EEA1: variants seen among roughly 807,000 people sequenced by gnomAD.
The protein encoded by EEA1 is early endosome antigen 1, also known as early endosome antigen 1, 162kD.
EEA1 carries 111 observed loss-of-function variants against 209.2 expected under a neutral mutation model. The observed-to-expected ratio is 0.53, with a 90% CI of 0.45 to 0.62. The LOEUF (loss-of-function observed/expected upper bound fraction) is 0.62, where lower values mean the gene tolerates loss of function less well. EEA1 is among the 20% of genes least tolerant of loss of function. The pLI, the probability that EEA1 is intolerant of heterozygous loss-of-function variation, is 0.00. For missense variants in EEA1, 1,343 were observed against 1,530.8 expected, an observed-to-expected ratio of 0.88 and a Z score of 2.05; for synonymous variants, 536 against 540.6, an observed-to-expected ratio of 0.99 and a Z score of 0.12.
intron 22 of EEA1, among the ~76,000 whole-genome samples, chr12:92,783,747 G>T (rs34726939): frequency 0.027 from 4,109 of 152,198 alleles, 88 homozygotes; most frequent in Middle Eastern, 0.088. Context: ...ACTCTCAGCT[G>T]CTACTGCGAA....
chr12:92,802,139 A>G (rs1256078635), intron 19 of EEA1, among the ~76,000 whole-genome samples: 2 of 152,086 alleles, frequency 1.3e-5, no homozygotes, highest in African/African-American at 2.4e-5. Context: ...ACAGAAAAGA[A>G]CATAACAACA....
intron 24 of EEA1, 24 bp from the exon 25 acceptor site, chr12:92,779,324 A>T: frequency 6.4e-7 from 1 of 1,564,546 alleles, no homozygotes; most frequent in Non-Finnish European, 8.6e-7. Context: ...AGGGCCAAAA[A>T]TAAATCATCC....
Position 92,856,653 on chromosome 12 carries a change from G to A in EEA1, c.366+622C>T, listed in dbSNP as rs150525710. Among the ~76,000 whole-genome samples, 26 of 150,670 alleles carry A rather than the reference G, an allele frequency of 1.7e-4. No individual in the cohort carries two copies. In the East Asian group the frequency reaches 4.9e-3, roughly 28 times the overall value. On this transcript the variant is annotated intron_variant, in intron 5 of 28. Transcript: ENST00000322349. Reference sequence around the variant, plus strand: ...TTATCAATTTGTCAGAAACTTAAATGCTTTGAAGACTCACTACTGTTTGAA... The same window carrying A: ...TTATCAATTTGTCAGAAACTTAAATACTTTGAAGACTCACTACTGTTTGAA...
intron 9 of EEA1, among the ~76,000 whole-genome samples, chr12:92,847,704 G>A (rs1054925954): frequency 3.9e-5 from 6 of 152,110 alleles, no homozygotes; most frequent in African/African-American, 1.4e-4. Flanking sequence ...ATAATAAAAA[G>A]GGAATGACAC....
rs776804393 is a variant in EEA1 at position 92,782,121 on chromosome 12, C to T, written c.3165G>A (p.Lys1055=). The part of the protein sequence containing the change: ...TRQDLKSVEE[K]LSLAQEDLIS... ...TCAAGTCCTCCTGTGCTAGAGAAAG[C>T]TTCTCTTCTACAGACTTACAAAAAC... Residue 1055 remains lysine, a synonymous_variant, in exon 23 of 29, where the codon AAG becomes AAA. Transcript: ENST00000322349. 1.2e-6 allele frequency: 2 copies of T among 1,609,276 alleles called. No homozygotes were observed. The highest frequency in any genetic ancestry group is 1.7e-5 in the Admixed American group (1 of 59,382).
intron 22 of EEA1, 28 bp from the exon 23 acceptor site, chr12:92,782,163 T>A (rs1247920985): frequency 6.4e-7 from 1 of 1,560,592 alleles, no homozygotes; most frequent in Non-Finnish European, 8.7e-7. Context: ...CCCAAATTAT[T>A]ATATGCCATG....
rs909126259 is a variant in EEA1, at chr12:92,852,374, C to T, written c.521-78G>A. ...AGTTTCCATATATTACTCTGCATAT[C>T]TGTATATCACTCTAATTCAAATTCA... On this transcript the variant is annotated intron_variant, in intron 7 of 28. Coordinates refer to ENST00000322349, the MANE Select transcript of EEA1 (RefSeq NM_003566.4). The T allele has an allele frequency of 1.3e-5, 12 of 896,292 alleles. No homozygotes were observed. The African/African-American group carries it at 1.9e-4, about 14-fold the overall frequency. 55.5% of individuals were successfully genotyped at this position (896,292 alleles called of 1,614,324 possible). A position where few individuals can be genotyped will look rare whatever the true frequency, so the allele number is the denominator to read the frequency against.
chr12:92,873,682 G>A (rs552792148), intron 2 of EEA1, among the ~76,000 whole-genome samples: 2 of 152,258 alleles, frequency 1.3e-5, no homozygotes, highest in Admixed American at 6.5e-5. Context: ...GCTTGGGCTT[G>A]AATCCTGGAT....
chr12:92,897,633 C>T (rs895201888), intron 1 of EEA1, among the ~76,000 whole-genome samples: 21 of 152,070 alleles, frequency 1.4e-4, no homozygotes, highest in African/African-American at 4.6e-4. Context: ...CTTTGCTGGG[C>T]GTTTTGTCCA....
At chr12:92,809,523 T>TAA (rs57998627) in intron 17 of EEA1, among the ~76,000 whole-genome samples, 25,602 of 106,606 alleles carry the variant, frequency 0.24, 3,137 homozygotes, top group Non-Finnish European at 0.3. Flanking sequence ...TTATCTCTAC[T>TAA]AAAAAAAAAA....
intron 1 of EEA1, among the ~76,000 whole-genome samples, chr12:92,898,364 A>G (rs1173254201): frequency 1.3e-5 from 2 of 152,186 alleles, no homozygotes; most frequent in Admixed American, 6.5e-5. Flanking sequence ...CTAAAGAATG[A>G]CAAAGAAGGA....
intron 1 of EEA1, among the ~76,000 whole-genome samples, chr12:92,901,178 C>T (rs985378733): frequency 6.6e-6 from 1 of 152,092 alleles, no homozygotes; most frequent in Non-Finnish European, 1.5e-5. Context: ...CAAGGTTTTC[C>T]TTGACTGAGC....
intron 16 of EEA1, among the ~76,000 whole-genome samples, chr12:92,812,362 T>C (rs1302577922): frequency 6.6e-6 from 1 of 151,802 alleles, no homozygotes; most frequent in Non-Finnish European, 1.5e-5. Context: ...CTAATATTAC[T>C]CCCTGAATAA....
At chr12:92,849,614 T>TTAGA (rs1474523046) in intron 9 of EEA1, among the ~76,000 whole-genome samples, 1 of 152,190 alleles carries the variant, frequency 6.6e-6, no homozygotes, top group Admixed American at 6.5e-5. Context: ...ATATCATAAG[T>TTAGA]TAGAGAGTGT....
chr12:92,858,987 A>T (rs974162600), intron 3 of EEA1: 7 of 685,640 alleles, frequency 1.0e-5, no homozygotes, highest in Non-Finnish European at 1.9e-5. Context: ...CTGCTCATTC[A>T]GTGGCAAAAT....
Position 92,832,603 on chromosome 12 carries a change from T to C in EEA1, c.1163A>G (p.Tyr388Cys). The change falls in exon 11 of 29, where the codon TAC (tyrosine) becomes TGC (cysteine). Residue 388 changes from tyrosine to cysteine, a missense_variant. By Grantham distance (194) the Tyr-to-Cys change is radical (BLOSUM62 -2). Around this residue, in one of 3 missense-constraint regions of EEA1, gnomAD observed 1,307 missense variants for 1,465.5 expected, o/e 0.89. Coordinates refer to ENST00000322349, the MANE Select transcript of EEA1 (RefSeq NM_003566.4). ...KEELSEVETK[Y>C]QHLKAEFKQL... ...CTTAAACTCCGCCTTTAGATGCTGG[T>C]ACTTGGTCTCTACCTCAGATAATTC... is the stretch of plus-strand genomic sequence containing the variant. The C allele has an allele frequency of 6.2e-7, 1 of 1,614,114 alleles. No homozygotes were observed. Among genetic ancestry groups the C allele is most frequent in the Non-Finnish European group, 8.5e-7 (1 of 1,179,992 alleles).
intron 1 of EEA1, among the ~76,000 whole-genome samples, chr12:92,898,546 C>A (rs1011728540): frequency 6.6e-6 from 1 of 151,950 alleles, no homozygotes; most frequent in South Asian, 2.1e-4. Flanking sequence ...CACCTGTAAT[C>A]CCAGCTATTC....
At chr12:92,882,491 CTTTGGGG>C (rs1236889301) in intron 2 of EEA1, among the ~76,000 whole-genome samples, 1 of 149,996 alleles carries the variant, frequency 6.7e-6, no homozygotes, top group Non-Finnish European at 1.5e-5. Context: ...TGATGCTGAG[CTTTGGGG>C]TACAAATGAT....
Position 92,929,148 on chromosome 12 carries a change from G to T in EEA1, c.-82C>A. On this transcript the variant is annotated 5_prime_UTR_variant, in exon 1 of 29. Transcript: ENST00000322349. The stretch of plus-strand genomic sequence containing the variant: ...CTCACTACTCGGGGTGCGCGGGCGG[G>T]AGGGACTGGGCCGGGAGGGGACCGG... 2 of 1,397,160 alleles carry T rather than the reference G, an allele frequency of 1.4e-6. No individual in the cohort carries two copies. Among genetic ancestry groups the T allele is most frequent in the Non-Finnish European group, 2.0e-6 (2 of 1,021,520 alleles). The allele number at this position is 1,397,160 out of a possible 1,614,324, so 86.5% of individuals were successfully genotyped here.
Sources: allele counts gnomAD v4.1 joint callset (sites outside exome capture counted in the v4.1 genomes callset), GRCh38; gene constraint gnomAD v4.1.1; regional missense constraint gnomAD v4.1.1; transcripts MANE v1.5; gene names NCBI Gene and HGNC (gene_info 2026-07-23, HGNC 2026-07-21).